LINGO1: variants seen among roughly 807,000 people sequenced by gnomAD.
The protein encoded by LINGO1 is leucine-rich repeat and immunoglobulin-like domain-containing nogo receptor-interacting protein 1.
In LINGO1, 11 loss-of-function variants were observed where a neutral mutation model predicts 37.3. That is an observed-to-expected ratio of 0.29 (90% CI 0.19 to 0.49). LINGO1 has a LOEUF of 0.49. Ranked by LOEUF, LINGO1 falls within the 20% of genes least tolerant of loss-of-function variation. The pLI, the probability that LINGO1 is intolerant of heterozygous loss-of-function variation, is 0.99. For missense variants in LINGO1, 585 were observed against 878.2 expected, an observed-to-expected ratio of 0.67 and a Z score of 4.22; for synonymous variants, 387 against 403.0, an observed-to-expected ratio of 0.96 and a Z score of 0.48.
chr15:77,618,285 T>C (rs901581885), intron 1 of LINGO1, among the ~76,000 whole-genome samples: 2 of 152,096 alleles, frequency 1.3e-5, no homozygotes, highest in Non-Finnish European at 2.9e-5. Context: ...CACAGGAAGC[T>C]TGCACCACCG....
chr15:77,671,317 GAGA>G (rs1467053242), intron 3 of LINGO1, among the ~76,000 whole-genome samples: 1 of 152,212 alleles, frequency 6.6e-6, no homozygotes, highest in Non-Finnish European at 1.5e-5. Flanking sequence ...TAGAGGGAGA[GAGA>G]AGGAGAGGGA....
In LINGO1 at chr15:77,737,536, C is replaced by T. The variant is rs115534129; in HGVS notation, c.-256-2483G>A. Among the ~76,000 whole-genome samples, 1,432 of 152,170 alleles carry T rather than the reference C, an allele frequency of 9.4e-3. 25 individuals are homozygous for T. Among genetic ancestry groups the T allele is most frequent in the African/African-American group, 0.032 (1,340 of 41,488 alleles). ...ACATGCCCTCCCATTTCTCTGCTTC[C>T]CTTTAATAGCAAAACTCAAGAGCTA... On this transcript the variant is annotated intron_variant, in intron 1 of 3. Transcript: ENST00000561686.
chr15:77,658,803 T>C (rs1331615846), intron 3 of LINGO1, among the ~76,000 whole-genome samples: 1 of 152,078 alleles, frequency 6.6e-6, no homozygotes, highest in Non-Finnish European at 1.5e-5. Context: ...AAACCAGCAA[T>C]GTGAAGATCT....
intron 3 of LINGO1, chr15:77,642,040 G>A (rs2074518841): frequency 2.2e-6 from 1 of 455,350 alleles, no homozygotes; most frequent in African/African-American, 2.0e-5. Context: ...TTGTGGGAAG[G>A]GTTCTAAGAG....
chr15:77,803,229 C>T (rs2076933504), intron 1 of LINGO1, among the ~76,000 whole-genome samples: 1 of 152,182 alleles, frequency 6.6e-6, no homozygotes, highest in Non-Finnish European at 1.5e-5. Context: ...CTGGGTCTTG[C>T]TCTTCTCTGT....
intron 1 of LINGO1, among the ~76,000 whole-genome samples, chr15:77,626,518 C>A (rs561737301): frequency 6.6e-6 from 1 of 152,312 alleles, no homozygotes; most frequent in South Asian, 2.1e-4. Flanking sequence ...GTGATGGAGC[C>A]TCCAGTCAGA....
At chr15:77,819,499 C>T (rs2077079903) in intron 1 of LINGO1, 1 of 151,766 alleles carries the variant, frequency 6.6e-6, no homozygotes, top group Admixed American at 6.6e-5. Flanking sequence ...GCGTCCCGCT[C>T]CTGCCTCCTG....
At chr15:77,753,541 G>T (rs35939880) in intron 1 of LINGO1, among the ~76,000 whole-genome samples, 1 of 152,104 alleles carries the variant, frequency 6.6e-6, no homozygotes, top group Non-Finnish European at 1.5e-5. Context: ...CTGGGGGTAG[G>T]GGGAGGGAAG....
chr15:77,685,405 G>C (rs1443255909), intron 2 of LINGO1, among the ~76,000 whole-genome samples: 1 of 152,086 alleles, frequency 6.6e-6, no homozygotes, highest in East Asian at 1.9e-4. Flanking sequence ...CTGAGACAGT[G>C]GTTTATGGCA....
At chr15:77,640,353 A>AC (rs1318218682) in intron 3 of LINGO1, among the ~76,000 whole-genome samples, 1 of 152,130 alleles carries the variant, frequency 6.6e-6, no homozygotes, top group Non-Finnish European at 1.5e-5. Flanking sequence ...ATTCAATCCA[A>AC]CGTAATTCAG....
At chr15:77,661,243 G>C (rs1409309011) in intron 3 of LINGO1, among the ~76,000 whole-genome samples, 1 of 152,142 alleles carries the variant, frequency 6.6e-6, no homozygotes, top group East Asian at 1.9e-4. Flanking sequence ...GGATTGACAA[G>C]ATCTCGCATG....
rs372881842 is a variant in LINGO1, at chr15:77,625,907, G to GAGGGA, written c.6+6398_6+6402dup. 3.1e-3 allele frequency among the ~76,000 whole-genome samples: 472 copies of GAGGGA among 152,322 alleles called. 3 individuals carry two copies. Among genetic ancestry groups the GAGGGA allele is most frequent in the African/African-American group, 0.011 (451 of 41,566 alleles). On this transcript the variant is annotated intron_variant, in intron 1 of 1. Coordinates refer to ENST00000355300, the MANE Select transcript of LINGO1 (RefSeq NM_032808.7). ...CTGCTGGGGGCGGAGAGTTCAGGGAGAGGGAAGGGAAGGGACATTTATATC... is the reference window on the plus strand; with the variant it reads ...CTGCTGGGGGCGGAGAGTTCAGGGAGAGGGAAGGGAAGGGAAGGGACATTTATATC...
chr15:77,700,131 G>T (rs989971811), upstream of LINGO1, among the ~76,000 whole-genome samples: 1 of 152,098 alleles, frequency 6.6e-6, no homozygotes, highest in Non-Finnish European at 1.5e-5. Context: ...CCAGGTAGAG[G>T]GTCCCTTGGC....
In LINGO1 at chr15:77,783,644, C is replaced by T. The variant is rs148250498; in HGVS notation, c.-257+3225G>A. On this transcript the variant is annotated intron_variant, in intron 1 of 3. Coordinates refer to the LINGO1 transcript ENST00000561686. ...TAATCCCAGGTCCCAACCTCTAGGA[C>T]GGCTGTGTGGATAGATGAGACTGTA... 1.7e-3 allele frequency among the ~76,000 whole-genome samples: 264 copies of T among 152,314 alleles called. 1 individual carries two copies. Among genetic ancestry groups the T allele is most frequent in the African/African-American group, 6.0e-3 (249 of 41,570 alleles).
At position 77,777,020 on chromosome 15, in the gene LINGO1, C is replaced by T. The variant is rs533630412; in HGVS notation, c.-257+9849G>A. On this transcript the variant is annotated intron_variant, in intron 1 of 3. Coordinates refer to the LINGO1 transcript ENST00000561686. ...TACCAGCCTGGCCAGGTGGGGTATT[C>T]CCACCATCTAGGCAAATCTCAGTCC... Among the ~76,000 whole-genome samples the T allele has an allele frequency of 1.2e-3, 188 of 152,244 alleles. 1 individual carries two copies. The highest frequency in any genetic ancestry group is 4.2e-3 in the African/African-American group (173 of 41,536).
intron 3 of LINGO1, among the ~76,000 whole-genome samples, chr15:77,657,154 CA>C (rs1319305826): frequency 3.9e-5 from 6 of 152,168 alleles, no homozygotes; most frequent in African/African-American, 1.4e-4. Flanking sequence ...AGCTGAGGAG[CA>C]AATCTTCTAA....
intron 2 of LINGO1, among the ~76,000 whole-genome samples, chr15:77,731,188 G>A (rs957520872): frequency 6.6e-6 from 1 of 152,142 alleles, no homozygotes; most frequent in Non-Finnish European, 1.5e-5. Flanking sequence ...GCACATGTGC[G>A]GGAGAACAGG....
intron 1 of LINGO1, among the ~76,000 whole-genome samples, chr15:77,629,298 G>A (rs1040768046): frequency 3.3e-5 from 5 of 151,838 alleles, no homozygotes; most frequent in African/African-American, 9.7e-5. Flanking sequence ...TCGCTTGTTC[G>A]TTCATTCATT....
intron 1 of LINGO1, among the ~76,000 whole-genome samples, chr15:77,776,243 G>C (rs1028893137): frequency 6.6e-6 from 1 of 151,992 alleles, no homozygotes; most frequent in East Asian, 1.9e-4. Flanking sequence ...CTGTTCCCGA[G>C]GTCATCACAA....
Sources: allele counts gnomAD v4.1 joint callset (sites outside exome capture counted in the v4.1 genomes callset), GRCh38; gene constraint gnomAD v4.1.1; transcripts MANE v1.5; gene names NCBI Gene and HGNC (gene_info 2026-07-23, HGNC 2026-07-21).